Variants in UBAC2 observed in about 807,000 individuals in gnomAD.
The protein encoded by UBAC2 is ubiquitin-associated domain-containing protein 2.
UBAC2 carries 26 observed loss-of-function variants against 44.0 expected under a neutral mutation model. The observed-to-expected ratio is 0.59, with a 90% confidence interval of 0.43 to 0.82. UBAC2 has a LOEUF of 0.82. Among genes scored for constraint, UBAC2 ranks in the 40% least tolerant of loss-of-function variants. The probability of loss-of-function intolerance (pLI) is 0.00; values close to 1 mark genes in which losing one functional copy is unlikely to be tolerated. For missense variants in UBAC2, 329 were observed against 419.4 expected (o/e 0.78, Z 1.88); for synonymous variants, 155 against 154.3 (o/e 1.00, Z -0.04).
At chr13:99,317,668 T>C (rs1458477493) in intron 5 of UBAC2, among the ~76,000 whole-genome samples, 2 of 152,222 alleles carry the variant, frequency 1.3e-5, no homozygotes. Context: ...TTACCTGTTT[T>C]GTATGTTGTT....
intron 1 of UBAC2, among the ~76,000 whole-genome samples, chr13:99,233,166 G>A (rs989699372): frequency 9.3e-5 from 14 of 151,154 alleles, no homozygotes; most frequent in African/African-American, 3.2e-4. Flanking sequence ...CAGCTGGAGT[G>A]CAGTGGCGTG....
intron 4 of UBAC2, chr13:99,312,655 A>C (rs983416334): frequency 6.5e-6 from 1 of 152,956 alleles, no homozygotes; most frequent in African/African-American, 2.4e-5. Flanking sequence ...TGCCAGGAGG[A>C]GTCAGAGAAG....
chr13:99,365,642 T>C (rs889428302), intron 7 of UBAC2, among the ~76,000 whole-genome samples: 1 of 152,200 alleles, frequency 6.6e-6, no homozygotes, highest in Non-Finnish European at 1.5e-5. Flanking sequence ...GTAATGTTTA[T>C]GATTTGGTAT....
In UBAC2 at chr13:99,295,460, T is replaced by C; in HGVS notation, c.390-18637T>C. On this transcript the variant is annotated intron_variant, in intron 4 of 8. Transcript: ENST00000403766. The surrounding 1 kb of genome is among the most constrained non-coding windows in gnomAD (Gnocchi z 4.1). ...ACCAGATTTCTCAGTGAGTGGGTTTTGTTTGGCAGTTCTGAAGAGTTTGCA... is the reference window on the plus strand; with the variant it reads ...ACCAGATTTCTCAGTGAGTGGGTTTCGTTTGGCAGTTCTGAAGAGTTTGCA... The C allele has an allele frequency of 6.2e-7, 1 of 1,614,058 alleles. No individual in the cohort carries two copies. The highest frequency in any genetic ancestry group is 1.1e-5 in the South Asian group (1 of 91,080).
intron 6 of UBAC2, among the ~76,000 whole-genome samples, chr13:99,330,625 GCTT>G (rs2044704225): frequency 6.6e-6 from 1 of 151,870 alleles, no homozygotes; most frequent in South Asian, 2.1e-4. Flanking sequence ...GTGTTTATAT[GCTT>G]CTTCTTTCCC....
rs201273165 is a variant in UBAC2, at chr13:99,258,788, C to T, written c.389+14164C>T. Among the ~76,000 whole-genome samples, 19 of 152,290 alleles carry T rather than the reference C, an allele frequency of 1.2e-4. No homozygotes were observed. The East Asian group carries it at 3.3e-3, about 26-fold the overall frequency. The stretch of plus-strand genomic sequence containing the variant: ...CCCTAAACCAGAAAGATCCCAAGTG[C>T]TTAATAGTACCTGGCACTTAGTAGG... On this transcript the variant is annotated intron_variant, in intron 4 of 8. Coordinates refer to ENST00000403766, the MANE Select transcript of UBAC2 (RefSeq NM_001144072.2).
rs2044154635 is a variant in UBAC2, at chr13:99,295,402, A to G, written c.390-18695A>G. ...AACAGAGAACAAACACAACAATAAT[A>G]AGAATAATTGTGTTGAGAGCCTTTT... is the stretch of plus-strand genomic sequence containing the variant. On this transcript the variant is annotated intron_variant, in intron 4 of 8. Transcript: ENST00000403766. This position sits in a 1 kb window ranked among gnomAD's most constrained non-coding sequence, Gnocchi z 4.1. 1 of 1,613,884 alleles carries G rather than the reference A, an allele frequency of 6.2e-7. No homozygotes were observed. Among genetic ancestry groups the G allele is most frequent in the Admixed American group, 1.7e-5 (1 of 60,006 alleles).
intron 4 of UBAC2, among the ~76,000 whole-genome samples, chr13:99,308,134 T>C (rs1417576360): frequency 6.6e-6 from 1 of 152,188 alleles, no homozygotes; most frequent in Non-Finnish European, 1.5e-5. Context: ...CAGAATGCAG[T>C]TTATTTGTAG....
intron 8 of UBAC2, among the ~76,000 whole-genome samples, chr13:99,384,119 AG>A (rs35362750): frequency 0.3 from 45,793 of 152,046 alleles, 7,168 homozygotes; most frequent in Middle Eastern, 0.45. Context: ...GAGCAGAGGA[AG>A]GGGTGGTGAT....
At chr13:99,314,962 C>G (rs1402313813) in intron 5 of UBAC2, 1 of 152,168 alleles carries the variant, frequency 6.6e-6, no homozygotes, top group Non-Finnish European at 1.5e-5. Context: ...GTCGCTTGGC[C>G]TTTTGATCCA....
chr13:99,375,970 ATTTTTTT>A (rs34164759), intron 8 of UBAC2, among the ~76,000 whole-genome samples: 115 of 130,840 alleles, frequency 8.8e-4, no homozygotes, highest in Non-Finnish European at 1.6e-3. Flanking sequence ...AGCCCAGCTA[ATTTTTTT>A]TTTTTTTTTT....
At chr13:99,359,417 A>T (rs2146677) in intron 7 of UBAC2, among the ~76,000 whole-genome samples, 38,245 of 152,212 alleles carry the variant, frequency 0.25, 6,012 homozygotes, top group Non-Finnish European at 0.35. Flanking sequence ...ATTTTACATT[A>T]ACTCATTCAA....
chr13:99,202,992 C>T (rs1340811398), intron 1 of UBAC2, among the ~76,000 whole-genome samples: 2 of 151,780 alleles, frequency 1.3e-5, no homozygotes, highest in African/African-American at 4.8e-5. Flanking sequence ...AGAAGCTACC[C>T]ACTGAGGGAG....
intron 4 of UBAC2, among the ~76,000 whole-genome samples, chr13:99,263,608 C>T (rs1185319129): frequency 6.6e-6 from 1 of 152,082 alleles, no homozygotes; most frequent in East Asian, 1.9e-4. Context: ...ATGAAGATAC[C>T]AACACTCCAT....
intron 8 of UBAC2, among the ~76,000 whole-genome samples, chr13:99,373,407 T>C (rs915708169): frequency 6.6e-6 from 1 of 152,154 alleles, no homozygotes; most frequent in African/African-American, 2.4e-5. Flanking sequence ...AAAAGGAAGA[T>C]GAGCAAATTT....
intron 7 of UBAC2, among the ~76,000 whole-genome samples, chr13:99,359,162 G>A (rs949379118): frequency 1.3e-5 from 2 of 152,340 alleles, no homozygotes; most frequent in African/African-American, 4.8e-5. Context: ...CTGGGGAAGA[G>A]AATGTCGAGG....
At chr13:99,335,758 T>G (rs2044779781) in intron 6 of UBAC2, among the ~76,000 whole-genome samples, 1 of 152,238 alleles carries the variant, frequency 6.6e-6, no homozygotes, top group African/African-American at 2.4e-5. Context: ...CTCTCTCTCA[T>G]GCAGGGCTGC....
chr13:99,231,611 A>G (rs1810892893), intron 1 of UBAC2: 1 of 151,696 alleles, frequency 6.6e-6, no homozygotes, highest in Admixed American at 6.6e-5. Context: ...GGGTTTTGCC[A>G]TGTTGACCAG....
chr13:99,338,176 G>C (rs2073293446), intron 6 of UBAC2, among the ~76,000 whole-genome samples: 2 of 146,584 alleles, frequency 1.4e-5, no homozygotes, highest in South Asian at 4.4e-4. Flanking sequence ...TTGTGCTTCA[G>C]CCTCCTGAGT....
Sources: allele counts gnomAD v4.1 joint callset (sites outside exome capture counted in the v4.1 genomes callset), GRCh38; gene constraint gnomAD v4.1.1; non-coding constraint Gnocchi (gnomAD v3.1); transcripts MANE v1.5; gene names NCBI Gene and HGNC (gene_info 2026-07-23, HGNC 2026-07-21).